The following BRD4 variants were observed in gnomAD, a reference collection of about 807,000 sequenced individuals.
BRD4 encodes the protein bromodomain containing 4, also known as bromodomain-containing protein 4.
Under a neutral mutation model 142.1 loss-of-function variants are expected in BRD4, and 16 were observed. The ratio of observed to expected loss-of-function variants is 0.11; its 90% CI spans 0.08 to 0.17. BRD4 has a LOEUF of 0.17. Ranked by LOEUF, BRD4 falls within the 10% of genes least tolerant of loss-of-function variation. BRD4 has a pLI of 1.00. For missense variants in BRD4, 1,424 were observed against 1,810.9 expected (o/e 0.79, Z 3.88); for synonymous variants, 833 against 707.5 (o/e 1.18, Z -2.82).
chr19:15,282,377 G>A (rs1256531065), intron 1 of BRD4, among the ~76,000 whole-genome samples: 1 of 152,212 alleles, frequency 6.6e-6, no homozygotes, highest in Non-Finnish European at 1.5e-5. Flanking sequence ...AGGTGGGTGG[G>A]CACAAAGACC....
rs193210794 is a variant in BRD4, at chr19:15,295,725, C to T, written c.-34-22592G>A. On this transcript the variant is annotated intron_variant, in intron 1 of 19. Transcript: ENST00000679869. ...GTGGCTCACGCCTGTAATCGCAGCA[C>T]TTTGGGAGGCCGAGGCAGGTGGATC... Among the ~76,000 whole-genome samples the T allele has an allele frequency of 1.9e-3, 292 of 152,312 alleles. 1 individual carries two copies. The highest frequency in any genetic ancestry group is 4.8e-3 in the Admixed American group (73 of 15,302).
rs1422529717 is a variant in BRD4, at chr19:15,239,065, C to T, written c.3776G>A (p.Arg1259His). The change falls in exon 18 of 20, where the codon CGC becomes CAC. Residue 1259 changes from arginine (R) to histidine (H), a missense_variant. This residue lies in a region of BRD4 where 109 missense variants were observed against 117.9 expected (regional missense o/e 0.92). Transcript: ENST00000679869. The surrounding 1 kb of genome is among the most constrained non-coding windows in gnomAD (Gnocchi z 7.4). Reference protein sequence around the residue: ...EKEKERLRQERMRSREDEDAL... With the variant: ...EKEKERLRQEHMRSREDEDAL... Reference sequence around the variant, plus strand: ...CACCCAGACACCCGCCCACCTCATGCGCTCCTGCCGCAGCCGCTCCTTCTC... The same window carrying T: ...CACCCAGACACCCGCCCACCTCATGTGCTCCTGCCGCAGCCGCTCCTTCTC... The T allele has an allele frequency of 3.1e-6, 5 of 1,590,260 alleles. No homozygotes were observed. The highest frequency in any genetic ancestry group is 2.3e-5 in the East Asian group (1 of 44,312).
At chr19:15,320,661 G>A (rs2145728878) in intron 1 of BRD4, among the ~76,000 whole-genome samples, 1 of 152,274 alleles carries the variant, frequency 6.6e-6, no homozygotes, top group South Asian at 2.1e-4. Context: ...CCGCCAAACT[G>A]GATCATTCAG....
At chr19:15,297,103 T>A (rs1189372331) in intron 1 of BRD4, among the ~76,000 whole-genome samples, 1 of 152,238 alleles carries the variant, frequency 6.6e-6, no homozygotes, top group Non-Finnish European at 1.5e-5. Flanking sequence ...GCAGCCAGCA[T>A]AGCTTCTAAC....
At chr19:15,266,760 C>A (rs562399276) in intron 4 of BRD4, among the ~76,000 whole-genome samples, 13 of 152,218 alleles carry the variant, frequency 8.5e-5, no homozygotes, top group Non-Finnish European at 1.5e-4. Flanking sequence ...ACAACTCACA[C>A]TCAGGGACCA....
chr19:15,284,538 G>A (rs1424602733), intron 1 of BRD4, among the ~76,000 whole-genome samples: 1 of 152,132 alleles, frequency 6.6e-6, no homozygotes, highest in African/African-American at 2.4e-5. Context: ...GCCGTCCTAG[G>A]TAAACAGGCC....
intron 1 of BRD4, among the ~76,000 whole-genome samples, chr19:15,325,369 G>A (rs1264503185): frequency 6.6e-6 from 1 of 152,124 alleles, no homozygotes; most frequent in South Asian, 2.1e-4. Context: ...GCCCTCCAAG[G>A]TCACCCTCCC....
Position 15,237,671 on chromosome 19 carries a change from TG to T in BRD4, c.*705del, listed in dbSNP as rs2047204436. On this transcript the variant is annotated 3_prime_UTR_variant, in exon 20 of 20. Transcript: ENST00000679869. ...AACAGAAACACAGGTGGGAAGGAAC[TG>T]ACTTTGGTTGGTGGCCTCACTCCCC... 4.3e-6 allele frequency: 1 copy of T among 230,600 alleles called. No homozygotes were observed. Among genetic ancestry groups the T allele is most frequent in the Non-Finnish European group, 8.5e-6 (1 of 117,252 alleles). The allele number at this position is 230,600 out of a possible 1,614,324, so 14.3% of individuals were successfully genotyped here.
At chr19:15,273,224 G>A (rs879256268) in intron 1 of BRD4, 91 bp from the exon 2 acceptor site, 2 of 1,345,426 alleles carry the variant, frequency 1.5e-6, no homozygotes, top group South Asian at 3.0e-5. Context: ...GGTCTCCAAG[G>A]ACTGAGTTCC....
intron 3 of BRD4, among the ~76,000 whole-genome samples, chr19:15,268,534 C>T (rs1490125737): frequency 6.6e-6 from 1 of 152,194 alleles, no homozygotes; most frequent in East Asian, 1.9e-4. Flanking sequence ...TACATTTTAG[C>T]AGGCTCTTTC....
chr19:15,311,458 T>C (rs149910051), intron 1 of BRD4, among the ~76,000 whole-genome samples: 118 of 152,140 alleles, frequency 7.8e-4, no homozygotes, highest in African/African-American at 2.8e-3. Flanking sequence ...GAACAGGTTA[T>C]TATGCTTAGT....
intron 1 of BRD4, among the ~76,000 whole-genome samples, chr19:15,322,867 CAAAAAAAA>C (rs71333367): frequency 3.1e-5 from 2 of 65,504 alleles, no homozygotes; most frequent in Admixed American, 1.9e-4. Flanking sequence ...ACTCTGTCTC[CAAAAAAAA>C]AAAAAAAAAG....
Position 15,238,842 on chromosome 19 carries a change from G to A in BRD4, c.3921C>T (p.Ala1307=), listed in dbSNP as rs1290799248. The change falls in exon 19 of 20, where the codon GCC becomes GCT. Residue 1307 remains alanine (A), a synonymous_variant. Transcript: ENST00000679869. The surrounding 1 kb of genome is among the most constrained non-coding windows in gnomAD (Gnocchi z 7.2). ...GGGAGCTCTGGGCCTGTGGGGTGGC[G>A]GCGGCAGCCACCGCAGCTGCTTGCT... ...QQQQAAAVAA[A]ATPQAQSSQP... The A allele has an allele frequency of 2.6e-5, 42 of 1,602,548 alleles. No homozygotes were observed. The highest frequency in any genetic ancestry group is 1.8e-4 in the Middle Eastern group (1 of 5,600).
chr19:15,266,327 T>G (rs1189026671), intron 4 of BRD4, among the ~76,000 whole-genome samples: 2 of 152,188 alleles, frequency 1.3e-5, no homozygotes, highest in Non-Finnish European at 2.9e-5. Context: ...CTGGCTGCCA[T>G]GAAAATGGAC....
intron 1 of BRD4, among the ~76,000 whole-genome samples, chr19:15,288,489 C>A (rs774635030): frequency 2.6e-5 from 4 of 152,238 alleles, no homozygotes; most frequent in Non-Finnish European, 2.9e-5. Flanking sequence ...AAAATCAGCT[C>A]CTTCCCAGAA....
intron 1 of BRD4, among the ~76,000 whole-genome samples, chr19:15,318,793 A>C (rs1178850874): frequency 6.6e-6 from 1 of 152,176 alleles, no homozygotes; most frequent in African/African-American, 2.4e-5. Flanking sequence ...CCCTAGTTCC[A>C]AGACCCTCAT....
At chr19:15,322,688 TA>T (rs1187268193) in intron 1 of BRD4, among the ~76,000 whole-genome samples, 2 of 62,730 alleles carry the variant, frequency 3.2e-5, no homozygotes, top group Admixed American at 2.0e-4. Flanking sequence ...CCATCTCTAC[TA>T]AAAAATACAA....
Position 15,273,036 on chromosome 19 carries a change from C to T in BRD4, c.64G>A (p.Glu22Lys), listed in dbSNP as rs2047606670. The change falls in exon 2 of 20, where the codon GAA becomes AAA. Residue 22 changes from glutamate (E) to lysine (K), a missense_variant. Physicochemically the swap from Glu to Lys is moderately conservative, Grantham distance 56. Transcript: ENST00000679869. ...RNLPVMGDGL[E>K]TSQMSTTQAQ... is the part of the protein sequence containing the mutation. The stretch of plus-strand genomic sequence containing the variant: ...TGTGTTGTAGACATTTGGGAAGTTT[C>T]TAGTCCATCCCCCATTACTGGCAGA... 2 of 1,613,476 alleles carry T rather than the reference C, an allele frequency of 1.2e-6. No individual in the cohort carries two copies. Among genetic ancestry groups the T allele is most frequent in the Non-Finnish European group, 1.7e-6 (2 of 1,179,474 alleles).
At chr19:15,252,439 C>T (rs1388494249) in intron 11 of BRD4, among the ~76,000 whole-genome samples, 3 of 152,224 alleles carry the variant, frequency 2.0e-5, no homozygotes, top group Non-Finnish European at 2.9e-5. Flanking sequence ...GGTGCAAAAA[C>T]CCAGAGGAAG....
Sources: allele counts gnomAD v4.1 joint callset (sites outside exome capture counted in the v4.1 genomes callset), GRCh38; gene constraint gnomAD v4.1.1; regional missense constraint gnomAD v4.1.1; non-coding constraint Gnocchi (gnomAD v3.1); transcripts MANE v1.5; gene names NCBI Gene and HGNC (gene_info 2026-07-23, HGNC 2026-07-21).